The following ROR1 variants were observed in gnomAD, a reference collection of about 807,000 sequenced individuals.
The protein encoded by ROR1 is ROR family WNT receptor 1.
A neutral mutation model predicts 78.8 loss-of-function variants in ROR1; 19 were observed. That is an observed-to-expected ratio of 0.24 (90% confidence interval 0.17 to 0.35). ROR1 has a LOEUF of 0.35. Among genes scored for constraint, ROR1 ranks in the 10% least tolerant of loss-of-function variants. The pLI, the probability that ROR1 is intolerant of heterozygous loss-of-function variation, is 1.00. For missense variants in ROR1, 917 were observed against 1,177.8 expected, an observed-to-expected ratio of 0.78 and a Z score of 3.24; for synonymous variants, 386 against 433.6, an observed-to-expected ratio of 0.89 and a Z score of 1.36.
At chr1:64,051,124 C>T (rs1045151513) in intron 4 of ROR1, among the ~76,000 whole-genome samples, 11 of 152,052 alleles carry the variant, frequency 7.2e-5, no homozygotes, top group Admixed American at 5.2e-4. Flanking sequence ...ATTAGGTAAT[C>T]ACTTTATTTT....
chr1:64,181,233 A>G lies in ROR1; in HGVS notation c.*2378A>G, dbSNP rs1650537837. ...TTGTTTCCTTTGTTTTTAACTTGAT[A>G]TAGATTTTCTTCAAATATATAATGG... is the stretch of plus-strand genomic sequence containing the variant. On this transcript the variant is annotated 3_prime_UTR_variant, in exon 9 of 9. Transcript: ENST00000371079. 6.6e-6 allele frequency: 1 copy of G among 152,102 alleles called. No individual in the cohort carries two copies. Among genetic ancestry groups the G allele is most frequent in the South Asian group, 2.1e-4 (1 of 4,836 alleles). 9.4% of individuals were successfully genotyped at this position (152,102 alleles called of 1,614,324 possible).
intron 4 of ROR1, among the ~76,000 whole-genome samples, chr1:64,096,542 G>A (rs931986915): frequency 5.9e-5 from 9 of 152,050 alleles, no homozygotes; most frequent in East Asian, 1.9e-4. Context: ...CTCCAGCTCC[G>A]TCCATGGCCC....
At chr1:63,787,438 T>TTCCTTCCTTCC (rs371310039) in intron 1 of ROR1, among the ~76,000 whole-genome samples, 1 of 127,738 alleles carries the variant, frequency 7.8e-6, no homozygotes, top group Non-Finnish European at 1.6e-5. Context: ...ATTGCCTTTC[T>TTCCTTCCTTCC]TTCCTTCCTT....
At chr1:64,151,005 A>G (rs1041833853) in intron 7 of ROR1, among the ~76,000 whole-genome samples, 1 of 152,226 alleles carries the variant, frequency 6.6e-6, no homozygotes, top group Non-Finnish European at 1.5e-5. Flanking sequence ...GAAATCTGAT[A>G]TAATACCACA....
chr1:64,067,710 C>CTTTTTTTTTTT (rs986756579), intron 4 of ROR1, among the ~76,000 whole-genome samples: 4,369 of 105,562 alleles, frequency 0.041, 332 homozygotes, highest in Non-Finnish European at 0.053. Flanking sequence ...TAAATAAATT[C>CTTTTTTTTTTT]TTTTTTTTTT....
chr1:63,958,166 GAATT>G (rs1645998938), intron 1 of ROR1, among the ~76,000 whole-genome samples: 1 of 152,212 alleles, frequency 6.6e-6, no homozygotes, highest in East Asian at 1.9e-4. Flanking sequence ...TTACTGACAT[GAATT>G]ATTTATTATT....
chr1:63,949,861 G>A (rs1282454673), intron 1 of ROR1, among the ~76,000 whole-genome samples: 1 of 152,128 alleles, frequency 6.6e-6, no homozygotes, highest in Non-Finnish European at 1.5e-5. Context: ...AAAATGGTTT[G>A]TGTGGGGTGG....
chr1:63,998,008 A>G (rs188377826), intron 1 of ROR1, among the ~76,000 whole-genome samples: 2 of 152,270 alleles, frequency 1.3e-5, no homozygotes, highest in Non-Finnish European at 2.9e-5. Context: ...TCTTAGAGGT[A>G]TGAAGTAATT....
chr1:63,888,702 A>G (rs529848691), intron 1 of ROR1, among the ~76,000 whole-genome samples: 49 of 152,262 alleles, frequency 3.2e-4, no homozygotes, highest in African/African-American at 1.1e-3. Flanking sequence ...TGTAAATATT[A>G]TTTATAAATA....
intron 1 of ROR1, among the ~76,000 whole-genome samples, chr1:63,858,852 G>A (rs977312294): frequency 2.6e-5 from 4 of 152,096 alleles, no homozygotes; most frequent in Admixed American, 1.3e-4. Flanking sequence ...GTACTACTCG[G>A]CACATAAAGA....
At chr1:63,979,792 A>G (rs17125914) in intron 1 of ROR1, among the ~76,000 whole-genome samples, 4,721 of 152,308 alleles carry the variant, frequency 0.031, 253 homozygotes, top group African/African-American at 0.11. Context: ...ATGATGGAGT[A>G]GATATGCTCA....
At chr1:64,086,929 C>G (rs961571765) in intron 4 of ROR1, among the ~76,000 whole-genome samples, 2 of 152,144 alleles carry the variant, frequency 1.3e-5, no homozygotes, top group African/African-American at 4.8e-5. Flanking sequence ...GAGAAACTTG[C>G]CCGAGTTCTT....
intron 1 of ROR1, among the ~76,000 whole-genome samples, chr1:63,780,847 A>G (rs543552709): frequency 6.6e-6 from 1 of 152,246 alleles, no homozygotes; most frequent in African/African-American, 2.4e-5. Flanking sequence ...GAATCCTACA[A>G]TGGGGAATGT....
chr1:63,862,147 C>T (rs541365690), intron 1 of ROR1, among the ~76,000 whole-genome samples: 3 of 151,996 alleles, frequency 2.0e-5, no homozygotes, highest in Non-Finnish European at 4.4e-5. Context: ...AATCCCAGCA[C>T]TTTGGGAGAC....
At chr1:64,018,425 G>C (rs1646538686) in intron 2 of ROR1, among the ~76,000 whole-genome samples, 1 of 152,124 alleles carries the variant, frequency 6.6e-6, no homozygotes, top group South Asian at 2.1e-4. Flanking sequence ...TAAAGACCCA[G>C]CTCACACTTC....
intron 4 of ROR1, among the ~76,000 whole-genome samples, chr1:64,121,059 C>CTTTTTTTTTTTTT (rs200292093): frequency 3.7e-5 from 3 of 82,010 alleles, no homozygotes; most frequent in Non-Finnish European, 4.4e-5. Context: ...GGAGATACCC[C>CTTTTTTTTTTTTT]TTTTTTTTTT....
At chr1:63,842,118 C>T (rs1356383315) in intron 1 of ROR1, among the ~76,000 whole-genome samples, 1 of 152,114 alleles carries the variant, frequency 6.6e-6, no homozygotes, top group African/African-American at 2.4e-5. Flanking sequence ...ACAAAAAAAC[C>T]AGAAGTAATA....
At chr1:64,089,500 C>T (rs541040194) in intron 4 of ROR1, among the ~76,000 whole-genome samples, 17 of 152,232 alleles carry the variant, frequency 1.1e-4, no homozygotes, top group South Asian at 4.1e-4. Context: ...GGTGAGCCAC[C>T]GCGCCAGGCC....
chr1:64,136,950 G>A (rs1569836460), intron 4 of ROR1, among the ~76,000 whole-genome samples: 1 of 152,066 alleles, frequency 6.6e-6, no homozygotes, highest in Admixed American at 6.5e-5. Flanking sequence ...TAATTGACGT[G>A]TCAGTTGGAG....
Sources: gnomAD v4.1 joint callset for allele counts (sites outside exome capture counted in the v4.1 genomes callset) on GRCh38, gnomAD v4.1.1 for gene constraint, MANE v1.5 for transcripts, NCBI Gene and HGNC (gene_info 2026-07-23, HGNC 2026-07-21) for gene names.